CPB2: variants seen among roughly 807,000 people sequenced by gnomAD.
The protein encoded by CPB2 is carboxypeptidase B-like protein.
Under a neutral mutation model 57.0 loss-of-function variants are expected in CPB2, and 54 were observed. The ratio of observed to expected loss-of-function variants is 0.95; its 90% CI spans 0.76 to 1.19. The LOEUF (loss-of-function observed/expected upper bound fraction) is 1.19, where lower values mean the gene tolerates loss of function less well. Among genes scored for constraint, CPB2 ranks in the 50% most tolerant of loss-of-function variants. The pLI is 0.00. For missense variants in CPB2, 426 were observed against 512.0 expected (o/e 0.83, Z 1.62); for synonymous variants, 189 against 178.1 (o/e 1.06, Z -0.49).
intron 5 of CPB2, among the ~76,000 whole-genome samples, chr13:46,075,243 G>T (rs926312155): frequency 6.6e-6 from 1 of 152,154 alleles, no homozygotes; most frequent in Non-Finnish European, 1.5e-5. Context: ...GCCACTAATC[G>T]TCAAATTGTA....
chr13:46,082,353 A>G lies in CPB2; in HGVS notation c.384+88T>C. 4.1e-6 allele frequency: 3 copies of G among 734,420 alleles called. No homozygotes were observed. The South Asian group carries it at 7.1e-5, about 17-fold the overall frequency. 45.5% of individuals were successfully genotyped at this position (734,420 alleles called of 1,614,324 possible). On this transcript the variant is annotated intron_variant, in intron 4 of 10. Transcript: ENST00000181383. ...GTTTTATTTTTTACCATCTTCCACC[A>G]ATTATGATTCTTGAATATTCCCCTG... is the stretch of plus-strand genomic sequence containing the variant.
chr13:46,059,417 G>A (rs1196229419), intron 8 of CPB2, among the ~76,000 whole-genome samples: 1 of 152,054 alleles, frequency 6.6e-6, no homozygotes, highest in Non-Finnish European at 1.5e-5. Context: ...ATGGCTTTGG[G>A]TAAATTTTTA....
At chr13:46,089,758 G>T (rs1176644355) in intron 1 of CPB2, among the ~76,000 whole-genome samples, 1 of 152,138 alleles carries the variant, frequency 6.6e-6, no homozygotes, top group African/African-American at 2.4e-5. Context: ...ATAGCGGGAA[G>T]GTTCTGTCTA....
chr13:46,063,156 C>T (rs1397294388), intron 8 of CPB2, among the ~76,000 whole-genome samples: 1 of 152,106 alleles, frequency 6.6e-6, no homozygotes, highest in East Asian at 1.9e-4. Flanking sequence ...AACACCTACC[C>T]CCCTAAAAGC....
chr13:46,066,523 G>A (rs1391844926), intron 7 of CPB2, among the ~76,000 whole-genome samples: 2 of 152,154 alleles, frequency 1.3e-5, no homozygotes, highest in Non-Finnish European at 2.9e-5. Flanking sequence ...GCCTTATTTG[G>A]ATCCAGAATC....
At chr13:46,057,136 G>T (rs1391675938) in intron 9 of CPB2, among the ~76,000 whole-genome samples, 1 of 151,250 alleles carries the variant, frequency 6.6e-6, no homozygotes, top group Non-Finnish European at 1.5e-5. Context: ...CAACATATAT[G>T]TGTGCTGGCA....
chr13:46,092,341 A>G (rs1406103734), intron 1 of CPB2, among the ~76,000 whole-genome samples: 2 of 152,180 alleles, frequency 1.3e-5, no homozygotes, highest in African/African-American at 4.8e-5. Flanking sequence ...GAAATCCAAA[A>G]AAGTCTGGAG....
At chr13:46,063,450 T>A (rs1026213398) in intron 8 of CPB2, among the ~76,000 whole-genome samples, 12 of 152,242 alleles carry the variant, frequency 7.9e-5, no homozygotes, top group African/African-American at 2.9e-4. Flanking sequence ...GTTAATTTAC[T>A]TAGGACAATG....
chr13:46,091,503 C>A (rs1019187233), intron 1 of CPB2, among the ~76,000 whole-genome samples: 1 of 152,056 alleles, frequency 6.6e-6, no homozygotes, highest in East Asian at 1.9e-4. Context: ...TGGTAGATGT[C>A]TTTTATCAGT....
intron 1 of CPB2, among the ~76,000 whole-genome samples, chr13:46,090,046 A>C (rs893221883): frequency 2.0e-5 from 3 of 152,086 alleles, no homozygotes; most frequent in East Asian, 3.8e-4. Context: ...TGTTCTATTG[A>C]TATATTTGTC....
chr13:46,058,552 T>G (rs972912183), intron 8 of CPB2, among the ~76,000 whole-genome samples, 171 bp from the exon 9 acceptor site: 1 of 152,198 alleles, frequency 6.6e-6, no homozygotes, highest in Non-Finnish European at 1.5e-5. Context: ...TCTTTTGAAG[T>G]CAAATACTTA....
At chr13:46,104,853 A>C (rs1566423593) in intron 1 of CPB2, 83 bp downstream of exon 1, 6 of 1,521,914 alleles carry the variant, frequency 3.9e-6, no homozygotes, top group African/African-American at 1.4e-5. Flanking sequence ...TTTGTCCACC[A>C]GCTCAGTGCA....
rs922274352 is a variant in CPB2, at chr13:46,081,871, A to G, written c.384+570T>C. Among the ~76,000 whole-genome samples the G allele has an allele frequency of 5.9e-5, 9 of 152,332 alleles. No individual in the cohort carries two copies. In the South Asian group the frequency reaches 1.9e-3, roughly 32 times the overall value. The stretch of plus-strand genomic sequence containing the variant: ...TTGCTGAGGTCTCACCTGCACATCA[A>G]CATCTTACTCAAGTTCTCTCTAGAA... On this transcript the variant is annotated intron_variant, in intron 4 of 10. Transcript: ENST00000181383.
intron 6 of CPB2, among the ~76,000 whole-genome samples, chr13:46,067,846 G>A (rs2044879513): frequency 6.6e-6 from 1 of 152,154 alleles, no homozygotes; most frequent in Admixed American, 6.5e-5. Flanking sequence ...ATTGTCCTTA[G>A]AACTTGTGGA....
intron 1 of CPB2, among the ~76,000 whole-genome samples, chr13:46,101,937 T>C (rs1400222387): frequency 6.6e-6 from 1 of 152,200 alleles, no homozygotes; most frequent in Non-Finnish European, 1.5e-5. Context: ...AAAGATTATT[T>C]TGAATTTAAA....
At chr13:46,073,382 GC>G in intron 6 of CPB2, 1 of 640,086 alleles carries the variant, frequency 1.6e-6, no homozygotes, top group Non-Finnish European at 1.9e-6. Context: ...CTTTTTTGAT[GC>G]AAAACCCTTC....
intron 2 of CPB2, among the ~76,000 whole-genome samples, chr13:46,084,621 A>C (rs1302404988): frequency 1.3e-5 from 2 of 152,196 alleles, no homozygotes; most frequent in African/African-American, 4.8e-5. Context: ...TGATGAATGA[A>C]TGACTATATT....
intron 6 of CPB2, among the ~76,000 whole-genome samples, chr13:46,069,740 A>C (rs2044910082): frequency 6.6e-6 from 1 of 152,144 alleles, no homozygotes; most frequent in Admixed American, 6.5e-5. Flanking sequence ...TTTTCTGCTC[A>C]TAAGTTGATG....
Position 46,087,731 on chromosome 13 carries a change from T to C in CPB2, c.150+14A>G. The C allele has an allele frequency of 6.4e-7, 1 of 1,562,976 alleles. No homozygotes were observed. Among genetic ancestry groups the C allele is most frequent in the Non-Finnish European group, 8.8e-7 (1 of 1,137,892 alleles). ...AAGTGAAACCAATATAAACATAAAT[T>C]AGGGAGAAATTACCTCATATGTTGT... On this transcript the variant is annotated intron_variant, in intron 2 of 10. Coordinates refer to ENST00000181383, the MANE Select transcript of CPB2 (RefSeq NM_001872.5).
Sources: gnomAD v4.1 joint callset for allele counts (sites outside exome capture counted in the v4.1 genomes callset) on GRCh38, gnomAD v4.1.1 for gene constraint, MANE v1.5 for transcripts, NCBI Gene and HGNC (gene_info 2026-07-23, HGNC 2026-07-21) for gene names.